MYH14: variants seen among roughly 807,000 people sequenced by gnomAD.
MYH14 encodes myosin-14.
A neutral mutation model predicts 255.5 loss-of-function variants in MYH14; 123 were observed. The observed-to-expected ratio is 0.48, with a 90% CI of 0.42 to 0.56. The LOEUF is 0.56. Among genes scored for constraint, MYH14 ranks in the 20% least tolerant of loss-of-function variants. The pLI, the probability that MYH14 is intolerant of heterozygous loss-of-function variation, is 0.00. For missense variants in MYH14, 2,423 were observed against 2,802.3 expected (o/e 0.86, Z 3.06); for synonymous variants, 1,095 against 1,161.2 (o/e 0.94, Z 1.16).
Position 50,250,781 on chromosome 19 carries a change from G to A in MYH14, c.1830+93G>A. On this transcript the variant is annotated intron_variant, in intron 15 of 42. Transcript: ENST00000642316. The surrounding 1 kb of genome is among the most constrained non-coding windows in gnomAD (Gnocchi z 5.4). Reference sequence around the variant, plus strand: ...GGGGGGAGGGTGCAGAGGGAAAACAGGGTCCTCCTGAGGTCCAGACAAACA... The same window carrying A: ...GGGGGGAGGGTGCAGAGGGAAAACAAGGTCCTCCTGAGGTCCAGACAAACA... 2 of 1,346,984 alleles carry A rather than the reference G, an allele frequency of 1.5e-6. No homozygotes were observed. The highest frequency in any genetic ancestry group is 2.0e-6 in the Non-Finnish European group (2 of 978,342). The allele number at this position is 1,346,984 out of a possible 1,614,324, so 83.4% of individuals were successfully genotyped here.
Position 50,244,243 on chromosome 19 carries a change from C to T in MYH14, c.1116C>T (p.Ser372=). 1 of 1,613,448 alleles carries T rather than the reference C, an allele frequency of 6.2e-7. No individual in the cohort carries two copies. The highest frequency in any genetic ancestry group is 8.5e-7 in the Non-Finnish European group (1 of 1,179,408). The change falls in exon 11 of 43, where the codon TCC becomes TCT. Residue 372 remains serine (S), a splice_region_variant and synonymous_variant. Transcript: ENST00000642316. ...VLGFSHEEII[S]MLRMVSAVLQ... The stretch of plus-strand genomic sequence containing the variant: ...TGACCTCTGTCCTTGCGTCCCCAGC[C>T]ATGCTGCGGATGGTCTCAGCAGTTC...
At chr19:50,302,353 G>A (rs542504933) in intron 40 of MYH14, among the ~76,000 whole-genome samples, 7 of 151,210 alleles carry the variant, frequency 4.6e-5, no homozygotes, top group South Asian at 2.1e-4. Flanking sequence ...AGGCCAAGGC[G>A]GGCAGATCAT....
intron 8 of MYH14, among the ~76,000 whole-genome samples, chr19:50,228,570 C>A (rs1172199926): frequency 6.6e-6 from 1 of 152,162 alleles, no homozygotes; most frequent in Non-Finnish European, 1.5e-5. Context: ...ACCGCAGCCC[C>A]TGCTCCTGCC....
At chr19:50,262,776 C>T (rs113901760) in intron 21 of MYH14, among the ~76,000 whole-genome samples, 9 of 151,990 alleles carry the variant, frequency 5.9e-5, no homozygotes, top group South Asian at 2.1e-4. Flanking sequence ...GCCTGAACTG[C>T]GGCTGGGGCT....
chr19:50,290,683 G>A (rs1483536684), intron 35 of MYH14, among the ~76,000 whole-genome samples: 2 of 152,170 alleles, frequency 1.3e-5, no homozygotes, highest in South Asian at 2.1e-4. Context: ...GAGATGAGAG[G>A]CTAGAAAGGA....
At chr19:50,263,769 C>T (rs2034976045) in intron 22 of MYH14, among the ~76,000 whole-genome samples, 1 of 151,970 alleles carries the variant, frequency 6.6e-6, no homozygotes, top group South Asian at 2.1e-4. Context: ...TTGAAAACAG[C>T]AAAGGTGCTG....
In MYH14 at chr19:50,281,480, C is replaced by T. The variant is rs2035715738; in HGVS notation, c.4291-114C>T. ...GAGGCAGAAGAGCCCAGCAGAATGA[C>T]CCCTTTCCCTCTTCAGGCCTCAGTC... is the stretch of plus-strand genomic sequence containing the variant. On this transcript the variant is annotated intron_variant, in intron 32 of 42. Transcript: ENST00000642316. The T allele has an allele frequency of 5.6e-6, 8 of 1,439,552 alleles. No homozygotes were observed. The South Asian group carries it at 7.3e-5, about 13-fold the overall frequency. The allele number at this position is 1,439,552 out of a possible 1,614,324, so 89.2% of individuals were successfully genotyped here.
In MYH14 at chr19:50,252,227, C is replaced by G. The variant is rs1487252795; in HGVS notation, c.1831-412C>G. Among the ~76,000 whole-genome samples the G allele has an allele frequency of 1.3e-5, 2 of 152,124 alleles. No individual in the cohort carries two copies. Among genetic ancestry groups the G allele is most frequent in the Non-Finnish European group, 2.9e-5 (2 of 68,032 alleles). On this transcript the variant is annotated intron_variant, in intron 15 of 42. Coordinates refer to ENST00000642316, the MANE Select transcript of MYH14 (RefSeq NM_001145809.2). The surrounding 1 kb of genome is among the most constrained non-coding windows in gnomAD (Gnocchi z 4.2). The stretch of plus-strand genomic sequence containing the variant: ...AATTGTAGCGGCCAAGATCGTGACT[C>G]TATGGAGCCCCACAGCAAAGCCCTG...
At chr19:50,236,377 G>A (rs911407527) in intron 10 of MYH14, among the ~76,000 whole-genome samples, 1 of 151,544 alleles carries the variant, frequency 6.6e-6, no homozygotes, top group Non-Finnish European at 1.5e-5. Flanking sequence ...ACAGGTTCTT[G>A]TGCTCTTGTG....
intron 10 of MYH14, among the ~76,000 whole-genome samples, chr19:50,232,455 G>A (rs1412814434): frequency 2.6e-5 from 4 of 151,986 alleles, no homozygotes; most frequent in East Asian, 3.8e-4. Context: ...TTAGCCAGGC[G>A]TGGTGGTGGG....
rs759478706 is a variant in MYH14 at position 50,260,669 on chromosome 19, C to G, written c.2378C>G (p.Ala793Gly). Residue 793 changes from alanine (A) to glycine (G), a missense_variant, in exon 20 of 43, where the codon GCC becomes GGC. Ala to Gly is a moderately conservative substitution (Grantham distance 60). Coordinates refer to ENST00000642316, the MANE Select transcript of MYH14 (RefSeq NM_001145809.2). Reference sequence around the variant, plus strand: ...AGATACGAGATCCTGACACCCAATGCCATCCCCAAGGGCTTCATGGATGGG... The same window carrying G: ...AGATACGAGATCCTGACACCCAATGGCATCCCCAAGGGCTTCATGGATGGG... ...RQRYEILTPN[A>G]IPKGFMDGKQ... The G allele has an allele frequency of 1.2e-6, 2 of 1,613,218 alleles. No individual in the cohort carries two copies. The highest frequency in any genetic ancestry group is 2.7e-5 in the African/African-American group (2 of 74,788).
chr19:50,293,279 G>T lies in MYH14; in HGVS notation c.5303G>T (p.Arg1768Leu). The T allele has an allele frequency of 1.2e-6, 2 of 1,609,672 alleles. No homozygotes were observed. The highest frequency in any genetic ancestry group is 1.7e-5 in the Admixed American group (1 of 59,418). ...DRARRQAQQD[R>L]DEMADEVANG... is the part of the protein sequence containing the mutation. ...GCTCGGCGGCAGGCCCAGCAGGACC[G>T]GGATGAGATGGCAGATGAGGTGGCC... The change falls in exon 38 of 43, where the codon CGG (arginine) becomes CTG (leucine). Residue 1768 changes from arginine (R) to leucine (L), a missense_variant. Arg to Leu is a moderately radical substitution (Grantham distance 102). Around this residue, in one of 3 missense-constraint regions of MYH14, gnomAD observed 1,513 missense variants for 1,674.8 expected, o/e 0.90. Transcript: ENST00000642316. The surrounding 1 kb of genome is among the most constrained non-coding windows in gnomAD (Gnocchi z 4.1).
At chr19:50,218,323 G>A (rs894937019) in intron 3 of MYH14, among the ~76,000 whole-genome samples, 5 of 151,962 alleles carry the variant, frequency 3.3e-5, no homozygotes, top group African/African-American at 4.8e-5. Context: ...TTGGCCAGGC[G>A]CGGTGGCTCA....
intron 30 of MYH14, among the ~76,000 whole-genome samples, chr19:50,279,581 C>T (rs1448736533): frequency 4.6e-5 from 7 of 152,138 alleles, no homozygotes; most frequent in East Asian, 3.9e-4. Flanking sequence ...TGCAGTGAGC[C>T]GAGATTGCAC....
At chr19:50,289,792 C>T in intron 35 of MYH14, 144 bp downstream of exon 35, 1 of 722,076 alleles carries the variant, frequency 1.4e-6, no homozygotes, top group Non-Finnish European at 2.3e-6. Flanking sequence ...AGTATCTCCC[C>T]AACCCTTCCA....
intron 10 of MYH14, among the ~76,000 whole-genome samples, chr19:50,236,846 C>A (rs767467818): frequency 6.6e-6 from 1 of 152,138 alleles, no homozygotes; most frequent in Non-Finnish European, 1.5e-5. Context: ...CTGTGCAATT[C>A]CATAGCATTT....
At chr19:50,243,113 A>G (rs922874993) in intron 10 of MYH14, among the ~76,000 whole-genome samples, 3 of 152,124 alleles carry the variant, frequency 2.0e-5, no homozygotes, top group African/African-American at 7.2e-5. Flanking sequence ...ATATTAAATA[A>G]GGTGTCTCTA....
intron 2 of MYH14, among the ~76,000 whole-genome samples, chr19:50,217,072 G>C (rs1420130982): frequency 3.3e-5 from 5 of 152,210 alleles, no homozygotes; most frequent in African/African-American, 1.2e-4. Flanking sequence ...GCTTCCCAAA[G>C]TGCTGGGATT....
At chr19:50,260,748 C>CGTGTGTGTGTGTGTGCGT in intron 20 of MYH14, 33 bp downstream of exon 20, 1 of 1,318,728 alleles carries the variant, frequency 7.6e-7, no homozygotes, top group East Asian at 2.5e-5. Context: ...TGCGTGTGTG[C>CGTGTGTGTGTGTGTGCGT]GTGTGTGTGT....
Sources: allele counts gnomAD v4.1 joint callset (sites outside exome capture counted in the v4.1 genomes callset), GRCh38; gene constraint gnomAD v4.1.1; regional missense constraint gnomAD v4.1.1; non-coding constraint Gnocchi (gnomAD v3.1); transcripts MANE v1.5; gene names NCBI Gene and HGNC (gene_info 2026-07-23, HGNC 2026-07-21).